The following ATP7A variants were observed in gnomAD, a reference collection of about 807,000 sequenced individuals.
ATP7A encodes copper-transporting ATPase 1.
A neutral mutation model predicts 83.5 loss-of-function variants in ATP7A; 7 were observed. The ratio of observed to expected loss-of-function variants is 0.08; its 90% confidence interval spans 0.05 to 0.16. The LOEUF (loss-of-function observed/expected upper bound fraction) is 0.16. Ranked by LOEUF, ATP7A falls within the 10% of genes least tolerant of loss-of-function variation. The pLI is 1.00. For missense variants in ATP7A, 940 were observed against 1,120.8 expected (o/e 0.84, Z 2.30); for synonymous variants, 354 against 395.2 (o/e 0.90, Z 1.24).
At chrX:77,996,502 T>C (rs984167276) in intron 4 of ATP7A, among the ~76,000 whole-genome samples, 1 of 111,931 alleles carries the variant, frequency 8.9e-6, no homozygotes, top group Non-Finnish European at 1.9e-5. Context: ...AAATTAAAAT[T>C]CATTGTGACC....
At chrX:78,019,463 G>GT (rs1260360236) in intron 12 of ATP7A, among the ~76,000 whole-genome samples, 1 of 110,592 alleles carries the variant, frequency 9.0e-6, no homozygotes, top group African/African-American at 3.3e-5. Flanking sequence ...TTTCTTTTTT[G>GT]TTTTTTTGTT....
At chrX:77,990,695 A>G (rs1380929655) in intron 4 of ATP7A, among the ~76,000 whole-genome samples, 1 of 112,296 alleles carries the variant, frequency 8.9e-6, no homozygotes, top group Non-Finnish European at 1.9e-5. Flanking sequence ...TGTATATTCA[A>G]TGGAATTTAA....
chrX:77,929,868 A>C (rs1014508968), intron 1 of ATP7A, among the ~76,000 whole-genome samples: 9 of 111,737 alleles, frequency 8.1e-5, no homozygotes, highest in Admixed American at 3.8e-4. Flanking sequence ...GAATAACATT[A>C]TAAAAGTAGT....
intron 1 of ATP7A, among the ~76,000 whole-genome samples, chrX:77,961,515 C>G (rs782150832): frequency 2.7e-5 from 3 of 111,649 alleles, no homozygotes; most frequent in African/African-American, 6.5e-5. Flanking sequence ...CTCAAAAGCC[C>G]CATTTGACCC....
rs1174845821 is a variant in ATP7A at position 78,020,515 on chromosome X, C to T, written c.2781+117C>T. 2.4e-5 allele frequency: 22 copies of T among 924,960 alleles called. No individual in the cohort carries two copies. The East Asian group carries it at 3.3e-4, about 14-fold the overall frequency. The allele number at this position is 924,960 out of a possible 1,213,427, so 76.2% of individuals were successfully genotyped here. ...ATTTTAGTTGCATTAATATGGAGTTCGTTTGTTTTTGTTTTGAGATAGGGT... is the reference window on the plus strand; with the variant it reads ...ATTTTAGTTGCATTAATATGGAGTTTGTTTGTTTTTGTTTTGAGATAGGGT... On this transcript the variant is annotated intron_variant, in intron 13 of 22. Coordinates refer to ENST00000341514, the MANE Select transcript of ATP7A (RefSeq NM_000052.7).
chrX:77,931,620 G>C (rs1279939434), intron 1 of ATP7A, among the ~76,000 whole-genome samples: 120 of 97,028 alleles, frequency 1.2e-3, no homozygotes, highest in Middle Eastern at 7.2e-3. Flanking sequence ...CCTCCCGGAC[G>C]GGGCGGCTGG....
At position 78,012,960 on chromosome X, in the gene ATP7A, C is replaced by G. The variant is rs1157086859; in HGVS notation, c.2254C>G (p.Leu752Val). 3 of 1,209,467 alleles carry G rather than the reference C, an allele frequency of 2.5e-6. No individual in the cohort carries two copies. In the East Asian group the frequency reaches 8.9e-5, roughly 36 times the overall value. Residue 752 changes from leucine (L) to valine (V), a missense_variant, in exon 10 of 23, where the codon CTG becomes GTG. Physicochemically the swap from Leu to Val is conservative, Grantham distance 32. This residue lies in a region of ATP7A where 204 missense variants were observed against 185.8 expected (regional missense o/e 1.10). Coordinates refer to ENST00000341514, the MANE Select transcript of ATP7A (RefSeq NM_000052.7). ...AGCAAATATGGACGTACTGATTGTG[C>G]TGGCAACCACCATTGCATTTGCCTA... ...KTANMDVLIV[L>V]ATTIAFAYSL...
At chrX:78,041,751 T>G (rs2078050318) in intron 19 of ATP7A, among the ~76,000 whole-genome samples, 1 of 111,740 alleles carries the variant, frequency 8.9e-6, no homozygotes, top group African/African-American at 3.3e-5. Flanking sequence ...ATCAGATCAT[T>G]TTGAACAGAT....
At chrX:77,955,186 A>G (rs1459894104) in intron 1 of ATP7A, among the ~76,000 whole-genome samples, 1 of 111,588 alleles carries the variant, frequency 9.0e-6, no homozygotes, top group African/African-American at 3.2e-5. Context: ...TTTTACTATC[A>G]CAACTATATA....
In ATP7A at chrX:77,998,568, C is replaced by T. The variant is rs782702847; in HGVS notation, c.1427C>T (p.Thr476Ile). 1.2e-5 allele frequency: 15 copies of T among 1,209,929 alleles called. No homozygotes were observed. Among genetic ancestry groups the T allele is most frequent in the Non-Finnish European group, 1.7e-5 (15 of 894,999 alleles). The change falls in exon 5 of 23, where the codon ACA (threonine) becomes ATA (isoleucine). Residue 476 changes from threonine (T) to isoleucine (I), a missense_variant. Coordinates refer to ENST00000341514, the MANE Select transcript of ATP7A (RefSeq NM_000052.7). ...AATGAATTTTATACTAAAGGGATGA[C>T]ACCAGTTCAAGACAAGGAGGAAGGA... Reference protein sequence around the residue: ...STNEFYTKGMTPVQDKEEGKN... With the variant: ...STNEFYTKGMIPVQDKEEGKN...
At chrX:78,005,683 CAAAAAAAAAAA>C (rs1218646073) in intron 6 of ATP7A, among the ~76,000 whole-genome samples, 4 of 13,700 alleles carry the variant, frequency 2.9e-4, no homozygotes, top group Non-Finnish European at 3.7e-4. Context: ...AACTCCATCT[CAAAAAAAAAAA>C]AAAAAAAAAA....
At chrX:78,025,603 C>A (rs1383639557) in intron 14 of ATP7A, among the ~76,000 whole-genome samples, 1 of 111,530 alleles carries the variant, frequency 9.0e-6, no homozygotes, top group Non-Finnish European at 1.9e-5. Flanking sequence ...AGACACTATA[C>A]AAGATGACCA....
chrX:78,018,008 C>A lies in ATP7A; in HGVS notation c.2626+2127C>A, dbSNP rs377267096. Among the ~76,000 whole-genome samples, 40 of 105,254 alleles carry A rather than the reference C, an allele frequency of 3.8e-4. 2 individuals carry two copies. The East Asian group carries it at 0.012, about 30-fold the overall frequency. The allele number at this position is 105,254 out of a possible 115,157, so 91.4% of individuals were successfully genotyped here. ...AGCCAGGATGGTCTCAATCTCCTGA[C>A]CTCGTGATCAGCCGGCCTCGGCCTC... On this transcript the variant is annotated intron_variant, in intron 12 of 22. Transcript: ENST00000341514.
At chrX:77,978,808 A>C (rs963416467) in intron 2 of ATP7A, among the ~76,000 whole-genome samples, 5 of 111,763 alleles carry the variant, frequency 4.5e-5, no homozygotes, top group Middle Eastern at 4.6e-3. Context: ...TTAGCTTTAA[A>C]AATTTATAAC....
In ATP7A at chrX:78,014,684, C is replaced by A; in HGVS notation, c.2429C>A (p.Ala810Glu). 1.7e-6 allele frequency: 2 copies of A among 1,208,326 alleles called. No homozygotes were observed. Among genetic ancestry groups the A allele is most frequent in the Non-Finnish European group, 2.2e-6 (2 of 893,018 alleles). Residue 810 changes from alanine (A) to glutamate (E), a missense_variant, in exon 11 of 23, where the codon GCA becomes GAA. By Grantham distance (107) the Ala-to-Glu change is moderately radical. Around this residue, in one of 3 missense-constraint regions of ATP7A, gnomAD observed 204 missense variants for 185.8 expected, o/e 1.10. Coordinates refer to ENST00000341514, the MANE Select transcript of ATP7A (RefSeq NM_000052.7). ...TAGGGCAAAACATCAGAGGCTCTTG[C>A]AAAGTTAATTTCACTACAAGCTACA... is the stretch of plus-strand genomic sequence containing the variant. ...IAKGKTSEALAKLISLQATEA... is the reference protein window; with the variant it reads ...IAKGKTSEALEKLISLQATEA...
intron 1 of ATP7A, among the ~76,000 whole-genome samples, chrX:77,917,199 A>G (rs1432031481): frequency 8.9e-6 from 1 of 112,308 alleles, no homozygotes; most frequent in Non-Finnish European, 1.9e-5. Context: ...CTATATGGCA[A>G]TCAGTGAAGG....
intron 1 of ATP7A, among the ~76,000 whole-genome samples, chrX:77,927,677 G>A (rs782112513): frequency 9.0e-6 from 1 of 110,892 alleles, no homozygotes; most frequent in South Asian, 3.8e-4. Context: ...GGGTACATGT[G>A]CACAATGTGC....
At chrX:77,965,507 T>A (rs2077499545) in intron 1 of ATP7A, 1 of 287,849 alleles carries the variant, frequency 3.5e-6, no homozygotes, top group Middle Eastern at 5.0e-4. Flanking sequence ...ATAAAAAAGA[T>A]AATAGGTATC....
intron 1 of ATP7A, among the ~76,000 whole-genome samples, chrX:77,933,090 C>A (rs372889498): frequency 1.2e-3 from 134 of 112,390 alleles, no homozygotes; most frequent in African/African-American, 2.8e-3. Context: ...CCAGGTCTGT[C>A]ATAATAGCTA....
Sources: gnomAD v4.1 joint callset for allele counts (sites outside exome capture counted in the v4.1 genomes callset) on GRCh38, gnomAD v4.1.1 for gene constraint, gnomAD v4.1.1 regional missense constraint, MANE v1.5 for transcripts, NCBI Gene and HGNC (gene_info 2026-07-23, HGNC 2026-07-21) for gene names.